The following STK32B variants were observed in gnomAD, a reference collection of about 807,000 sequenced individuals.
The protein encoded by STK32B is serine/threonine kinase 32B.
Under a neutral mutation model 52.6 loss-of-function variants are expected in STK32B, and 43 were observed. The ratio of observed to expected loss-of-function variants is 0.82; its 90% CI spans 0.64 to 1.05. The LOEUF (loss-of-function observed/expected upper bound fraction) is 1.05, where lower values mean the gene tolerates loss of function less well. Ranked by LOEUF, STK32B falls within the 50% of genes least tolerant of loss-of-function variation. STK32B has a pLI of 0.00. For missense variants in STK32B, 621 were observed against 534.6 expected (o/e 1.16, Z -1.59); for synonymous variants, 238 against 204.3 (o/e 1.17, Z -1.41).
chr4:5,032,235 A>G, the STK32B span, among the ~76,000 whole-genome samples: 1 of 151,628 alleles, frequency 6.6e-6, no homozygotes, highest in African/African-American at 2.4e-5. Context: ...GCACTTTGGA[A>G]GGCCAAGACG....
chr4:5,406,937 A>G (rs779489477), intron 5 of STK32B, among the ~76,000 whole-genome samples: 6 of 152,168 alleles, frequency 3.9e-5, no homozygotes, highest in Non-Finnish European at 7.3e-5. Context: ...AACCCTCCCA[A>G]GAAAATGGGT....
chr4:5,133,190 C>T (rs1478751342), intron 1 of STK32B, among the ~76,000 whole-genome samples: 1 of 152,214 alleles, frequency 6.6e-6, no homozygotes, highest in African/African-American at 2.4e-5. Flanking sequence ...GTGTTTTGTT[C>T]ACTGTTGGTT....
chr4:5,127,251 A>G (rs1344971455), intron 1 of STK32B: 2 of 442,086 alleles, frequency 4.5e-6, no homozygotes, highest in Non-Finnish European at 9.1e-6. Flanking sequence ...CGTTGTGTGG[A>G]ATGGATATTA....
intron 3 of STK32B, among the ~76,000 whole-genome samples, chr4:5,194,171 A>C (rs1281763803): frequency 6.6e-6 from 1 of 152,150 alleles, no homozygotes; most frequent in Non-Finnish European, 1.5e-5. Context: ...TCTTTATAGA[A>C]ATTTTTTCCA....
chr4:5,109,913 T>G (rs1714304096), intron 1 of STK32B, among the ~76,000 whole-genome samples: 1 of 151,942 alleles, frequency 6.6e-6, no homozygotes, highest in South Asian at 2.1e-4. Context: ...GCAACTTCAG[T>G]AAAGTCTCAG....
intron 3 of STK32B, among the ~76,000 whole-genome samples, chr4:5,253,211 G>A (rs1434780729): frequency 2.0e-5 from 3 of 151,996 alleles, no homozygotes; most frequent in Non-Finnish European, 2.9e-5. Context: ...TGCTCCCTCT[G>A]TCTAGAGGGA....
chr4:5,344,989 C>T (rs936352959), intron 4 of STK32B, among the ~76,000 whole-genome samples: 29 of 149,634 alleles, frequency 1.9e-4, no homozygotes, highest in African/African-American at 5.4e-4. Flanking sequence ...TACAGTGAGC[C>T]GTGATAGTGC....
At chr4:5,053,506 C>T (rs1448342254) in intron 1 of STK32B, among the ~76,000 whole-genome samples, 3 of 152,130 alleles carry the variant, frequency 2.0e-5, no homozygotes, top group African/African-American at 7.2e-5. Context: ...CTTTTATTTA[C>T]AGAGGAAATT....
intron 4 of STK32B, among the ~76,000 whole-genome samples, chr4:5,349,280 G>A (rs1195802992): frequency 6.6e-6 from 1 of 151,960 alleles, no homozygotes; most frequent in African/African-American, 2.4e-5. Flanking sequence ...CCCAAAGACT[G>A]GCCCACCTTG....
intron 3 of STK32B, among the ~76,000 whole-genome samples, chr4:5,198,169 C>T (rs56406101): frequency 2.0e-5 from 3 of 152,054 alleles, no homozygotes; most frequent in Admixed American, 6.5e-5. Flanking sequence ...TCAAAGTTAG[C>T]TATTATTATG....
chr4:5,119,431 A>G (rs1340016765), intron 1 of STK32B, among the ~76,000 whole-genome samples: 2 of 152,254 alleles, frequency 1.3e-5, no homozygotes, highest in Non-Finnish European at 2.9e-5. Context: ...AAAGTGGGAA[A>G]TAGTTTGGCC....
At chr4:5,090,370 C>CTTTTTTTTTT (rs754643704) in intron 1 of STK32B, among the ~76,000 whole-genome samples, 1 of 56,544 alleles carries the variant, frequency 1.8e-5, no homozygotes, top group Non-Finnish European at 3.6e-5. Context: ...TTTAATCCAT[C>CTTTTTTTTTT]TTTTTTTTTT....
chr4:5,239,516 C>G (rs2108815281), intron 3 of STK32B, among the ~76,000 whole-genome samples: 1 of 152,142 alleles, frequency 6.6e-6, no homozygotes, highest in South Asian at 2.1e-4. Context: ...TGGGCTCTGG[C>G]TCTCCCTAAG....
At chr4:5,391,903 A>G (rs1379250590) in intron 4 of STK32B, among the ~76,000 whole-genome samples, 2 of 152,202 alleles carry the variant, frequency 1.3e-5, no homozygotes, top group East Asian at 3.8e-4. Flanking sequence ...TAAAGTGGAC[A>G]AGCACATCTC....
At chr4:5,121,739 G>A (rs761288126) in intron 1 of STK32B, among the ~76,000 whole-genome samples, 4 of 152,168 alleles carry the variant, frequency 2.6e-5, no homozygotes, top group Non-Finnish European at 5.9e-5. Flanking sequence ...GGGTGGAAGG[G>A]ATGAGGCTGG....
At chr4:5,026,890 T>C in the STK32B span, among the ~76,000 whole-genome samples, 1 of 152,220 alleles carries the variant, frequency 6.6e-6, no homozygotes, top group East Asian at 1.9e-4. Flanking sequence ...GCAGCTTCCA[T>C]CTTTTTTAGA....
At chr4:5,069,429 T>C (rs559338809) in intron 1 of STK32B, among the ~76,000 whole-genome samples, 1 of 152,280 alleles carries the variant, frequency 6.6e-6, no homozygotes, top group East Asian at 1.9e-4. Context: ...ATGGGCCTTG[T>C]GCTTATGTAT....
At chr4:5,020,023 C>T in the STK32B span, among the ~76,000 whole-genome samples, 1 of 152,168 alleles carries the variant, frequency 6.6e-6, no homozygotes, top group Non-Finnish European at 1.5e-5. Flanking sequence ...CCAGGGCCCC[C>T]AGCCTCTCAG....
rs546546968 is a variant in STK32B, at chr4:5,356,402, A to G, written c.434+25009A>G. Among the ~76,000 whole-genome samples the G allele has an allele frequency of 5.9e-5, 9 of 152,330 alleles. No individual in the cohort carries two copies. The South Asian group carries it at 1.5e-3, about 25-fold the overall frequency. ...AAATACGCTATGTCCAAATAAGGTC[A>G]CATTCACAGACAGCAGGGTTAGGAC... On this transcript the variant is annotated intron_variant, in intron 4 of 11. Coordinates refer to ENST00000282908, the MANE Select transcript of STK32B (RefSeq NM_018401.3).
Sources: allele counts gnomAD v4.1 joint callset (sites outside exome capture counted in the v4.1 genomes callset), GRCh38; gene constraint gnomAD v4.1.1; transcripts MANE v1.5; gene names NCBI Gene and HGNC (gene_info 2026-07-23, HGNC 2026-07-21).